NFRKB: variants seen among roughly 807,000 people sequenced by gnomAD.
NFRKB encodes the protein nuclear factor related to kappa-B-binding protein.
A neutral mutation model predicts 135.7 loss-of-function variants in NFRKB; 62 were observed. That is an observed-to-expected ratio of 0.46 (90% confidence interval 0.37 to 0.56). The LOEUF is 0.56. Among genes scored for constraint, NFRKB ranks in the 20% least tolerant of loss-of-function variants. NFRKB has a pLI of 0.00. For synonymous variants in NFRKB, 678 were observed against 635.6 expected (o/e 1.07, Z -1.00); for missense variants, 1,545 against 1,662.0 (o/e 0.93, Z 1.22).
chr11:129,882,313 T>C (rs1949067245), intron 10 of NFRKB, 119 bp from the exon 11 acceptor site: 1 of 1,345,270 alleles, frequency 7.4e-7, no homozygotes, highest in African/African-American at 1.5e-5. Context: ...AAACAATATA[T>C]TTTCCCAGCA....
At chr11:129,888,564 C>A (rs776969284) in intron 4 of NFRKB, 30 bp downstream of exon 4, 2 of 1,601,794 alleles carry the variant, frequency 1.2e-6, no homozygotes. Flanking sequence ...TCCACCACCC[C>A]CCTCAAAGAA....
intron 3 of NFRKB, among the ~76,000 whole-genome samples, chr11:129,892,489 T>C (rs536480415): frequency 3.3e-5 from 5 of 152,350 alleles, no homozygotes; most frequent in African/African-American, 1.2e-4. Flanking sequence ...TATCAAGTTA[T>C]TCTGGCATGT....
rs75329773 is a variant in NFRKB at position 129,895,255 on chromosome 11, G to A, written c.-102+241C>T. Among the ~76,000 whole-genome samples, 1,083 of 152,250 alleles carry A rather than the reference G, an allele frequency of 7.1e-3. 4 individuals are homozygous for A. The highest frequency in any genetic ancestry group is 0.011 in the Non-Finnish European group (780 of 67,994). ...ACTCTGCAGCAAATTCCCCTCCGGT[G>A]CCAGCCCGGCTGGCCCAAGGCCCGG... On this transcript the variant is annotated intron_variant, in intron 1 of 26. Transcript: ENST00000682444.
At chr11:129,877,418 C>G in intron 15 of NFRKB, 33 bp from the exon 16 acceptor site, 1 of 1,606,042 alleles carries the variant, frequency 6.2e-7, no homozygotes, top group Non-Finnish European at 8.5e-7. Flanking sequence ...TCAACCCTGA[C>G]AGCTGGCACG....
intron 24 of NFRKB, among the ~76,000 whole-genome samples, chr11:129,868,985 G>A (rs1447084601): frequency 1.3e-5 from 2 of 152,026 alleles, no homozygotes; most frequent in Non-Finnish European, 2.9e-5. Context: ...GTGCCATTGC[G>A]CTCCAGCCTG....
Position 129,865,052 on chromosome 11 carries a change from T to C in NFRKB, c.3688A>G (p.Thr1230Ala). The C allele has an allele frequency of 3.1e-6, 5 of 1,612,632 alleles. No homozygotes were observed. The highest frequency in any genetic ancestry group is 4.2e-6 in the Non-Finnish European group (5 of 1,179,862). Reference protein sequence around the residue: ...NIILTTMPAGTKLIAGNKPVS... With the variant: ...NIILTTMPAGAKLIAGNKPVS... ...GGCTTATTGCCAGCAATGAGCTTAG[T>C]GCCTGCTGGCATAGTTGTGAGGATG... The change falls in exon 26 of 27, where the codon ACT becomes GCT. Residue 1230 changes from threonine (T) to alanine (A), a missense_variant. Transcript: ENST00000682444.
chr11:129,877,878 C>CATGG (rs1326948112), intron 15 of NFRKB, among the ~76,000 whole-genome samples: 1 of 152,084 alleles, frequency 6.6e-6, no homozygotes, highest in East Asian at 1.9e-4. Flanking sequence ...GAAAAAGAAA[C>CATGG]ATGGGACAAT....
chr11:129,893,043 T>C (rs1302043815), intron 2 of NFRKB, 173 bp from the exon 3 acceptor site: 3 of 1,442,378 alleles, frequency 2.1e-6, no homozygotes, highest in Non-Finnish European at 2.7e-6. Flanking sequence ...GCATTCCCAC[T>C]GGAATTTTCA....
At position 129,878,250 on chromosome 11, in the gene NFRKB, G is replaced by A. The variant is rs1948863021; in HGVS notation, c.1511+59C>T. 3.9e-6 allele frequency: 6 copies of A among 1,554,502 alleles called. No individual in the cohort carries two copies. In the Admixed American group the frequency reaches 8.8e-5, roughly 23 times the overall value. ...TACCAAGAAGTATTAACAAAACCAA[G>A]GCAGTATCTGAACTACAGTTTCCCA... is the stretch of plus-strand genomic sequence containing the variant. On this transcript the variant is annotated intron_variant, in intron 15 of 26. Transcript: ENST00000682444.
chr11:129,877,495 A>C (rs1051966290), intron 15 of NFRKB, 110 bp from the exon 16 acceptor site: 17 of 1,014,602 alleles, frequency 1.7e-5, no homozygotes, highest in African/African-American at 1.6e-4. Flanking sequence ...GTCCCTCAAG[A>C]AGCACTCAAT....
At position 129,875,035 on chromosome 11, in the gene NFRKB, G is replaced by A. The variant is rs146095829; in HGVS notation, c.1855-119C>T. 4.4e-4 allele frequency: 572 copies of A among 1,287,970 alleles called. 7 individuals are homozygous for A. The East Asian group carries it at 0.013, about 30-fold the overall frequency. 79.8% of individuals were successfully genotyped at this position (1,287,970 alleles called of 1,614,324 possible). On this transcript the variant is annotated intron_variant, in intron 18 of 26. Transcript: ENST00000682444. ...CACAGCTGATGCAGATTCTATCTCAGCCTAGCTGCGTATTCCCAATAGTTC... is the reference window on the plus strand; with the variant it reads ...CACAGCTGATGCAGATTCTATCTCAACCTAGCTGCGTATTCCCAATAGTTC...
intron 2 of NFRKB, 139 bp from the exon 3 acceptor site, chr11:129,893,009 C>A: frequency 6.7e-7 from 1 of 1,500,734 alleles, no homozygotes; most frequent in Non-Finnish European, 8.9e-7. Flanking sequence ...AGCTAAACAG[C>A]TCTCCTCCCT....
At chr11:129,882,764 C>T in intron 9 of NFRKB, 133 bp from the exon 10 acceptor site, 2 of 914,180 alleles carry the variant, frequency 2.2e-6, no homozygotes, top group Admixed American at 2.4e-5. Flanking sequence ...CTCAATGAAA[C>T]CAAATTCATT....
chr11:129,892,841 G>T lies in NFRKB; in HGVS notation c.9C>A (p.Ser3=), dbSNP rs1949618926. 2 of 1,614,052 alleles carry T rather than the reference G, an allele frequency of 1.2e-6. No individual in the cohort carries two copies. Among genetic ancestry groups the T allele is most frequent in the Admixed American group, 3.3e-5 (2 of 60,002 alleles). The change falls in exon 3 of 27, where the codon TCC becomes TCA. Residue 3 remains serine (S), a synonymous_variant. Transcript: ENST00000682444. MD[S]LDHMLTDPLE... is the part of the protein sequence containing the mutation. ...GAGGATCTGTCAGCATATGGTCTAA[G>T]GAATCCATTGTTTCTTCTCCACAGG...
At chr11:129,865,710 C>T (rs1227197821) in intron 25 of NFRKB, among the ~76,000 whole-genome samples, 167 bp downstream of exon 25, 2 of 152,132 alleles carry the variant, frequency 1.3e-5, no homozygotes, top group Non-Finnish European at 1.5e-5. Context: ...GCACCTAAAA[C>T]AATACTGGAT....
In NFRKB at chr11:129,881,456, C is replaced by A. The variant is rs1296886236; in HGVS notation, c.1371G>T (p.Gln457His). ...CGGATCACTTACCAAGCAACTTCCA[C>A]TGCTGGGTTTTCTCTTTGAATTCAA... ...PFVEFKEKTQ[Q>H]WKLLGQSQDN... is the part of the protein sequence containing the mutation. The change falls in exon 13 of 27, where the codon CAG (glutamine) becomes CAT (histidine). Residue 457 changes from glutamine (Q) to histidine (H), a missense_variant. By Grantham distance (24) the Gln-to-His change is conservative. Transcript: ENST00000682444. 3.1e-6 allele frequency: 5 copies of A among 1,614,172 alleles called. No homozygotes were observed. The East Asian group carries it at 8.9e-5, about 29-fold the overall frequency.
chr11:129,884,104 A>C lies in NFRKB; in HGVS notation c.782T>G (p.Leu261Ter). The C allele has an allele frequency of 1.2e-6, 2 of 1,614,208 alleles. No homozygotes were observed. The highest frequency in any genetic ancestry group is 1.7e-6 in the Non-Finnish European group (2 of 1,180,032). Reference sequence around the variant, plus strand: ...TTTCCGCTTCTCGTGGTGCTTCTTTAACATTATCTTCAGGTCACTGTCCCC... The same window carrying C: ...TTTCCGCTTCTCGTGGTGCTTCTTTCACATTATCTTCAGGTCACTGTCCCC... ...ELGDSDLKIM[L>*]KKHHEKRKHQ... is the part of the protein sequence containing the mutation. The change falls in exon 8 of 27, where the codon TTA becomes TGA. Residue 261 changes from leucine (L) to a stop codon, truncating the protein, a stop_gained. Coordinates refer to ENST00000682444, the MANE Select transcript of NFRKB (RefSeq NM_001143835.2). LOFTEE classifies it high-confidence loss of function.
At chr11:129,871,592 C>T (rs1297789522) in intron 23 of NFRKB, among the ~76,000 whole-genome samples, 2 of 152,080 alleles carry the variant, frequency 1.3e-5, no homozygotes, top group Admixed American at 6.5e-5. Context: ...CCTCTCAGAC[C>T]CCTACTCAAG....
At position 129,865,011 on chromosome 11, in the gene NFRKB, A is replaced by T. The variant is rs765574449; in HGVS notation, c.3729T>A (p.Thr1243=). ...GCTGAAGCTGCTGCAACTGCTGAGC[A>T]GTGAGGAAACTAACAGGCTTATTGC... ...IAGNKPVSFL[T]AQQLQQLQQQ... Residue 1243 remains threonine, a synonymous_variant, in exon 26 of 27, where the codon ACT becomes ACA. Coordinates refer to ENST00000682444, the MANE Select transcript of NFRKB (RefSeq NM_001143835.2). 3.1e-6 allele frequency: 5 copies of T among 1,613,262 alleles called. No individual in the cohort carries two copies. In the South Asian group the frequency reaches 5.5e-5, roughly 18 times the overall value.
Sources: gnomAD v4.1 joint callset for allele counts (sites outside exome capture counted in the v4.1 genomes callset) on GRCh38, gnomAD v4.1.1 for gene constraint, MANE v1.5 for transcripts, NCBI Gene and HGNC (gene_info 2026-07-23, HGNC 2026-07-21) for gene names.